UHRF2: variants seen among roughly 807,000 people sequenced by gnomAD.
UHRF2 encodes ubiquitin like with PHD and ring finger domains 2, also known as E3 ubiquitin-protein ligase UHRF2.
Under a neutral mutation model 96.8 loss-of-function variants are expected in UHRF2, and 23 were observed. That is an observed-to-expected ratio of 0.24 (90% CI 0.17 to 0.34). The LOEUF (loss-of-function observed/expected upper bound fraction) is 0.34. Ranked by LOEUF, UHRF2 falls within the 10% of genes least tolerant of loss-of-function variation. UHRF2 has a pLI of 1.00. For missense variants in UHRF2, 685 were observed against 981.5 expected (o/e 0.70, Z 4.04); for synonymous variants, 385 against 332.6 (o/e 1.16, Z -1.72).
chr9:6,487,040 G>A (rs1824330689), intron 9 of UHRF2, 115 bp downstream of exon 9: 1 of 913,408 alleles, frequency 1.1e-6, no homozygotes, highest in Non-Finnish European at 1.7e-6. Flanking sequence ...AGTTTTTGTT[G>A]AAGTAATCAG....
intron 3 of UHRF2, among the ~76,000 whole-genome samples, chr9:6,445,903 G>A (rs1012546927): frequency 1.3e-5 from 2 of 149,546 alleles, no homozygotes; most frequent in Non-Finnish European, 3.0e-5. Context: ...GGTGATAATG[G>A]TATAAAACTT....
rs181590784 is a variant in UHRF2, at chr9:6,454,838, A to G, written c.645-5735A>G. On this transcript the variant is annotated intron_variant, in intron 3 of 15. Transcript: ENST00000276893. ...CATAAATACTAATTCCTGTATTTCT[A>G]TGGCACAGTGGGTTTTTAAACTTGA... Among the ~76,000 whole-genome samples, 29 of 152,296 alleles carry G rather than the reference A, an allele frequency of 1.9e-4. No homozygotes were observed. The East Asian group carries it at 4.0e-3, about 21-fold the overall frequency.
intron 8 of UHRF2, among the ~76,000 whole-genome samples, chr9:6,483,212 C>G (rs539568892): frequency 8.6e-5 from 13 of 151,406 alleles, no homozygotes; most frequent in Admixed American, 4.0e-4. Context: ...ATAATACCAG[C>G]TACTCAGGAG....
intron 8 of UHRF2, among the ~76,000 whole-genome samples, chr9:6,483,711 C>T (rs1432401057): frequency 6.6e-6 from 1 of 152,168 alleles, no homozygotes; most frequent in Non-Finnish European, 1.5e-5. Flanking sequence ...TGTTTGGAGA[C>T]AGAGTTTCAC....
intron 9 of UHRF2, among the ~76,000 whole-genome samples, chr9:6,489,993 G>C (rs1824563421): frequency 6.6e-6 from 1 of 152,066 alleles, no homozygotes; most frequent in Non-Finnish European, 1.5e-5. Flanking sequence ...ATATTTTGAA[G>C]CTATATCTTT....
chr9:6,425,433 C>T (rs1820199262), intron 2 of UHRF2, among the ~76,000 whole-genome samples: 1 of 152,092 alleles, frequency 6.6e-6, no homozygotes. Context: ...TCAACCATTT[C>T]TCCAAGGTTC....
chr9:6,490,512 C>T (rs1278961131), intron 9 of UHRF2, among the ~76,000 whole-genome samples: 1 of 152,172 alleles, frequency 6.6e-6, no homozygotes, highest in Admixed American at 6.6e-5. Context: ...CCTGTAATCC[C>T]AGCTACTTGG....
At chr9:6,470,008 A>G (rs1378246505) in intron 4 of UHRF2, among the ~76,000 whole-genome samples, 4 of 152,192 alleles carry the variant, frequency 2.6e-5, no homozygotes, top group Non-Finnish European at 4.4e-5. Context: ...CACAGTGAAG[A>G]TGACCAAGTT....
At position 6,475,191 on chromosome 9, in the gene UHRF2, A is replaced by G. The variant is rs1423472085; in HGVS notation, c.864-200A>G. Among the ~76,000 whole-genome samples, 4 of 152,090 alleles carry G rather than the reference A, an allele frequency of 2.6e-5. No homozygotes were observed. In the East Asian group the frequency reaches 7.7e-4, roughly 29 times the overall value. Reference sequence around the variant, plus strand: ...TAATGAAGTCTGTATTTTTTTTCTCATATTACACTATGAATGTTAACTAAT... The same window carrying G: ...TAATGAAGTCTGTATTTTTTTTCTCGTATTACACTATGAATGTTAACTAAT... On this transcript the variant is annotated intron_variant, in intron 4 of 15. Coordinates refer to ENST00000276893, the MANE Select transcript of UHRF2 (RefSeq NM_152896.3).
At chr9:6,494,045 T>C (rs1454292354) in intron 10 of UHRF2, 113 bp downstream of exon 10, 5 of 892,650 alleles carry the variant, frequency 5.6e-6, no homozygotes, top group Non-Finnish European at 6.7e-6. Context: ...GTTAAAGATC[T>C]GAAATTAAAA....
At chr9:6,454,767 T>G (rs913450416) in intron 3 of UHRF2, among the ~76,000 whole-genome samples, 1 of 152,176 alleles carries the variant, frequency 6.6e-6, no homozygotes, top group Non-Finnish European at 1.5e-5. Flanking sequence ...TCCCTTAGTT[T>G]CTACCTTTTT....
chr9:6,490,908 A>G (rs1824617279), intron 9 of UHRF2, among the ~76,000 whole-genome samples: 2 of 152,220 alleles, frequency 1.3e-5, no homozygotes, highest in African/African-American at 2.4e-5. Flanking sequence ...AAGTATATCT[A>G]TAGGATTAGG....
intron 9 of UHRF2, among the ~76,000 whole-genome samples, chr9:6,489,363 T>C (rs1461595315): frequency 6.6e-6 from 1 of 152,256 alleles, no homozygotes; most frequent in East Asian, 1.9e-4. Context: ...CAGATAAAGC[T>C]ACAGTAAATA....
chr9:6,464,114 A>G (rs1822721541), intron 4 of UHRF2, among the ~76,000 whole-genome samples: 1 of 152,074 alleles, frequency 6.6e-6, no homozygotes, highest in African/African-American at 2.4e-5. Flanking sequence ...GTTTTTTCAG[A>G]CTTCAGTTTC....
intron 3 of UHRF2, among the ~76,000 whole-genome samples, chr9:6,455,266 C>G (rs1047169185): frequency 6.6e-6 from 1 of 152,138 alleles, no homozygotes; most frequent in African/African-American, 2.4e-5. Context: ...TTAGGTATAT[C>G]TCCTAATGCT....
intron 5 of UHRF2, among the ~76,000 whole-genome samples, chr9:6,476,029 CT>C (rs984290161): frequency 3.3e-5 from 5 of 152,162 alleles, no homozygotes; most frequent in African/African-American, 1.2e-4. Context: ...TCTTTATCCC[CT>C]GTCCCACTTC....
intron 4 of UHRF2, 29 bp downstream of exon 4, chr9:6,460,820 A>G (rs773690085): frequency 1.3e-6 from 2 of 1,572,756 alleles, no homozygotes; most frequent in Non-Finnish European, 8.7e-7. Flanking sequence ...GTGCCATTTA[A>G]TTAACTGAAT....
chr9:6,420,879 G>C (rs1819894490), intron 1 of UHRF2, 33 bp from the exon 2 acceptor site: 1 of 1,539,102 alleles, frequency 6.5e-7, no homozygotes, highest in African/African-American at 1.4e-5. Flanking sequence ...ACATTTTAGA[G>C]AAGCATTTCA....
chr9:6,459,444 G>A (rs982747428), intron 3 of UHRF2, among the ~76,000 whole-genome samples: 2 of 152,138 alleles, frequency 1.3e-5, no homozygotes, highest in Admixed American at 6.5e-5. Context: ...TGAGGCGGGT[G>A]GATCACCTGA....
Sources: allele counts gnomAD v4.1 joint callset (sites outside exome capture counted in the v4.1 genomes callset), GRCh38; gene constraint gnomAD v4.1.1; transcripts MANE v1.5; gene names NCBI Gene and HGNC (gene_info 2026-07-23, HGNC 2026-07-21).